The following SUN3 variants were observed in gnomAD, a reference collection of about 807,000 sequenced individuals.
SUN3 encodes Sad1 and UNC84 domain containing 3.
A neutral mutation model predicts 48.2 loss-of-function variants in SUN3; 36 were observed. That is an observed-to-expected ratio of 0.75 (90% CI 0.57 to 0.99). SUN3 has a LOEUF of 0.99. Ranked by LOEUF, SUN3 falls within the 50% of genes least tolerant of loss-of-function variation. The probability of loss-of-function intolerance (pLI) is 0.00; values close to 1 mark genes in which losing one functional copy is unlikely to be tolerated. For synonymous variants in SUN3, 148 were observed against 147.9 expected, an observed-to-expected ratio of 1.00 and a Z score of 0.00; for missense variants, 419 against 433.1, an observed-to-expected ratio of 0.97 and a Z score of 0.29.
chr7:48,001,997 C>T (rs1479441338), intron 6 of SUN3, among the ~76,000 whole-genome samples: 3 of 152,172 alleles, frequency 2.0e-5, no homozygotes, highest in Non-Finnish European at 2.9e-5. Flanking sequence ...CTGTCTTTCA[C>T]AGTGGTTGAA....
At chr7:48,017,151 T>G (rs1177902117) in intron 3 of SUN3, 111 bp downstream of exon 3, 1 of 616,796 alleles carries the variant, frequency 1.6e-6, no homozygotes, top group Admixed American at 3.2e-5. Flanking sequence ...TACATTAATT[T>G]TATTAGATAT....
At chr7:48,022,952 T>C (rs1320244343) in intron 2 of SUN3, among the ~76,000 whole-genome samples, 1 of 152,024 alleles carries the variant, frequency 6.6e-6, no homozygotes, top group Non-Finnish European at 1.5e-5. Flanking sequence ...TATTCTAAGA[T>C]AAAGAAAAGC....
At chr7:48,013,158 A>C (rs752108290) in intron 3 of SUN3, among the ~76,000 whole-genome samples, 1 of 152,200 alleles carries the variant, frequency 6.6e-6, no homozygotes, top group African/African-American at 2.4e-5. Flanking sequence ...TGGCAGGCCC[A>C]GTCTCAACAA....
At chr7:48,000,550 G>T (rs7807750) in intron 6 of SUN3, among the ~76,000 whole-genome samples, 65,670 of 152,036 alleles carry the variant, frequency 0.43, 14,400 homozygotes, top group Middle Eastern at 0.55. Flanking sequence ...AGCAGATTCA[G>T]TGGCAGATAA....
At chr7:48,021,719 T>C (rs1790002258) in intron 2 of SUN3, among the ~76,000 whole-genome samples, 1 of 152,122 alleles carries the variant, frequency 6.6e-6, no homozygotes, top group African/African-American at 2.4e-5. Context: ...ACTACAATGA[T>C]ATGTTATCTC....
At chr7:47,996,307 A>G (rs1789210958) in intron 6 of SUN3, among the ~76,000 whole-genome samples, 161 bp from the exon 7 acceptor site, 1 of 152,226 alleles carries the variant, frequency 6.6e-6, no homozygotes, top group South Asian at 2.1e-4. Flanking sequence ...GACAGTTTTC[A>G]CTACCACTGA....
the SUN3 span, chr7:48,035,473 C>T: frequency 1.4e-6 from 1 of 695,786 alleles, no homozygotes; most frequent in Non-Finnish European, 2.6e-6. This position sits in a 1 kb window ranked among gnomAD's most constrained non-coding sequence, Gnocchi z 4.0. Flanking sequence ...CCAGCCGCGC[C>T]CGCCGGTTGG....
At chr7:47,992,314 G>T (rs1789089105) in intron 8 of SUN3, among the ~76,000 whole-genome samples, 1 of 152,164 alleles carries the variant, frequency 6.6e-6, no homozygotes, top group East Asian at 1.9e-4. Context: ...ATCCAGACCC[G>T]GAAGCGAGCA....
At chr7:47,988,678 A>C (rs1474872175) in intron 9 of SUN3, 110 bp downstream of exon 9, 11 of 613,374 alleles carry the variant, frequency 1.8e-5, no homozygotes, top group Non-Finnish European at 2.8e-5. Context: ...GCCTTGTGTA[A>C]CTCACGCTTT....
chr7:48,007,862 C>T (rs1447613802), intron 4 of SUN3, among the ~76,000 whole-genome samples: 1 of 149,236 alleles, frequency 6.7e-6, no homozygotes, highest in Non-Finnish European at 1.5e-5. Flanking sequence ...CTCACTCTGT[C>T]CCCCAGGCTG....
chr7:48,004,860 G>A (rs567668271), intron 6 of SUN3, among the ~76,000 whole-genome samples: 30 of 152,330 alleles, frequency 2.0e-4, no homozygotes, highest in African/African-American at 6.0e-4. Flanking sequence ...TGCCTGCTTT[G>A]TTTACTTTTT....
chr7:48,028,141 T>C (rs1790184663), intron 1 of SUN3, among the ~76,000 whole-genome samples: 1 of 152,120 alleles, frequency 6.6e-6, no homozygotes, highest in Admixed American at 6.5e-5. Context: ...CTTTGTAGCA[T>C]TCCTTTTATT....
At chr7:47,999,467 TTCTC>T (rs1789298075) in intron 6 of SUN3, among the ~76,000 whole-genome samples, 1 of 152,160 alleles carries the variant, frequency 6.6e-6, no homozygotes, top group Non-Finnish European at 1.5e-5. Context: ...CGTACTCTCT[TTCTC>T]TCCCAGTTTT....
chr7:47,995,374 T>C (rs1347315538), intron 7 of SUN3, among the ~76,000 whole-genome samples: 1 of 151,192 alleles, frequency 6.6e-6, no homozygotes, highest in Non-Finnish European at 1.5e-5. Flanking sequence ...GAGATGGGGG[T>C]GGTGGTGGTG....
the SUN3 span, chr7:48,035,711 G>T: frequency 6.8e-6 from 4 of 588,506 alleles, no homozygotes; most frequent in Non-Finnish European, 1.2e-5. The surrounding 1 kb of genome is among the most constrained non-coding windows in gnomAD (Gnocchi z 4.0). Context: ...CTCGCAGTGC[G>T]GGCAGTGCGC....
chr7:48,015,808 A>C (rs576207316), intron 3 of SUN3, among the ~76,000 whole-genome samples: 20 of 152,308 alleles, frequency 1.3e-4, no homozygotes, highest in Admixed American at 3.3e-4. Flanking sequence ...TCTAACTTTT[A>C]AGCTGTCCTT....
Position 48,005,993 on chromosome 7 carries a change from C to T in SUN3, c.553G>A (p.Ala185Thr). The change falls in exon 6 of 10, where the codon GCT becomes ACT. Residue 185 changes from alanine (A) to threonine (T), a missense_variant. Physicochemically the swap from Ala to Thr is moderately conservative, Grantham distance 58. Coordinates refer to ENST00000297325, the MANE Select transcript of SUN3 (RefSeq NM_001030019.2). ...KKLREDQVEM[A>T]DYALKSAGAS... ...CCGGCCGACTTCAGGGCATAATCAG[C>T]CATCTCGACTTGGTCTTCTCTCAAC... 6.2e-7 allele frequency: 1 copy of T among 1,612,784 alleles called. No homozygotes were observed. Among genetic ancestry groups the T allele is most frequent in the Non-Finnish European group, 8.5e-7 (1 of 1,179,486 alleles).
rs1392509769 is a variant in SUN3, at chr7:47,988,865, A to AT, written c.876dup (p.Cys293MetfsTer2). 2.5e-6 allele frequency: 4 copies of AT among 1,603,620 alleles called. No individual in the cohort carries two copies. Among genetic ancestry groups the AT allele is most frequent in the African/African-American group, 1.3e-5 (1 of 74,624 alleles). On this transcript the variant is annotated frameshift_variant, in exon 9 of 10. Transcript: ENST00000297325. LOFTEE classifies it high-confidence loss of function. Reference sequence around the variant, plus strand: ...CCTAGGAAAATTTCTTCTCCTTCACATTTTTTTGTGATGCCCTATAAAGAA... The same window carrying AT: ...CCTAGGAAAATTTCTTCTCCTTCACATTTTTTTTGTGATGCCCTATAAAGAA...
chr7:48,001,522 GTTTTTTTTGTTTTTTTTT>G (rs1019396104), intron 6 of SUN3, among the ~76,000 whole-genome samples: 1 of 121,888 alleles, frequency 8.2e-6, no homozygotes, highest in African/African-American at 3.2e-5. Context: ...TGTCTTTTCT[GTTTTTTTTGTTTTTTTTT>G]TTTTTTTTTT....
Sources: allele counts gnomAD v4.1 joint callset (sites outside exome capture counted in the v4.1 genomes callset), GRCh38; gene constraint gnomAD v4.1.1; non-coding constraint Gnocchi (gnomAD v3.1); transcripts MANE v1.5; gene names NCBI Gene and HGNC (gene_info 2026-07-23, HGNC 2026-07-21).